The following MAP2K7 variants were observed in gnomAD, a reference collection of about 807,000 sequenced individuals.
The protein encoded by MAP2K7 is dual specificity mitogen-activated protein kinase kinase 7.
MAP2K7 carries 12 observed loss-of-function variants against 47.7 expected under a neutral mutation model. The ratio of observed to expected loss-of-function variants is 0.25; its 90% CI spans 0.16 to 0.41. The LOEUF (loss-of-function observed/expected upper bound fraction) is 0.41, where lower values mean the gene tolerates loss of function less well. Among genes scored for constraint, MAP2K7 ranks in the 10% least tolerant of loss-of-function variants. The pLI is 1.00. For missense variants in MAP2K7, 415 were observed against 600.3 expected (o/e 0.69, Z 3.23); for synonymous variants, 299 against 243.0 (o/e 1.23, Z -2.14).
chr19:7,910,815 G>A lies in MAP2K7; in HGVS notation c.675+12G>A, dbSNP rs1982791113. On this transcript the variant is annotated intron_variant, in intron 6 of 10. Coordinates refer to ENST00000397979, the MANE Select transcript of MAP2K7 (RefSeq NM_145185.4). ...AGATGACAGTGGCGGTGAGTGACCA[G>A]GCGGGGCTTGCACTGGGCAGGATGA... 6.3e-7 allele frequency: 1 copy of A among 1,583,408 alleles called. No homozygotes were observed. The highest frequency in any genetic ancestry group is 8.6e-7 in the Non-Finnish European group (1 of 1,160,032).
At chr19:7,904,285 C>T (rs891010483) in intron 1 of MAP2K7, among the ~76,000 whole-genome samples, 1 of 152,146 alleles carries the variant, frequency 6.6e-6, no homozygotes, top group Non-Finnish European at 1.5e-5. Flanking sequence ...GCTTGGGAGC[C>T]CAGTTCCCGG....
rs377648179 is a variant in MAP2K7, at chr19:7,910,697, C to T, written c.569C>T (p.Thr190Met). Residue 190 changes from threonine (T) to methionine (M), a missense_variant and splice_region_variant, in exon 6 of 11, where the codon ACG (threonine) becomes ATG (methionine). Physicochemically the swap from Thr to Met is moderately conservative, Grantham distance 81. This residue lies in a region of MAP2K7 where 206 missense variants were observed against 368.8 expected (regional missense o/e 0.56). Transcript: ENST00000397979. ...CCCCGGGTGCCCCTCTCCCTGCAGACGGACGTCTTCATCGCCATGGAGCTC... is the reference window on the plus strand; with the variant it reads ...CCCCGGGTGCCCCTCTCCCTGCAGATGGACGTCTTCATCGCCATGGAGCTC... ...VQCFGTFITN[T>M]DVFIAMELMG... is the part of the protein sequence containing the mutation. 3.3e-5 allele frequency: 53 copies of T among 1,608,686 alleles called. No individual in the cohort carries two copies. The highest frequency in any genetic ancestry group is 4.2e-5 in the Non-Finnish European group (50 of 1,177,250).
chr19:7,911,697 C>T (rs1046398824), intron 9 of MAP2K7, 119 bp downstream of exon 9: 8 of 1,107,152 alleles, frequency 7.2e-6, no homozygotes, highest in South Asian at 1.6e-5. Context: ...CGACTGTGGG[C>T]GGGCTCCTGG....
intron 1 of MAP2K7, 36 bp downstream of exon 1, chr19:7,904,104 C>A (rs868842951): frequency 1.4e-4 from 2 of 14,156 alleles, no homozygotes; most frequent in Non-Finnish European, 2.2e-4. Context: ...GGCGGGCGGG[C>A]GGGGCGGGGC....
intron 1 of MAP2K7, chr19:7,905,831 G>T (rs759359679): frequency 1.9e-6 from 3 of 1,612,422 alleles, no homozygotes; most frequent in Non-Finnish European, 2.5e-6. Flanking sequence ...TCTAAGCCCT[G>T]CTCCTGCCCC....
At chr19:7,909,958 C>T (rs1385126921) in intron 2 of MAP2K7, 62 bp downstream of exon 2, 2 of 1,506,118 alleles carry the variant, frequency 1.3e-6, no homozygotes, top group Admixed American at 2.4e-5. Flanking sequence ...CGTGCCAGCC[C>T]TGGGAGGAGG....
rs548806971 is a variant in MAP2K7, at chr19:7,911,236, TCC to T, written c.856-7_856-6del. 19 of 1,577,268 alleles carry T rather than the reference TCC, an allele frequency of 1.2e-5. No individual in the cohort carries two copies. The highest frequency in any genetic ancestry group is 1.4e-5 in the Non-Finnish European group (16 of 1,152,338). On this transcript the variant is annotated splice_polypyrimidine_tract_variant and intron_variant, in intron 7 of 10. Coordinates refer to ENST00000397979, the MANE Select transcript of MAP2K7 (RefSeq NM_145185.4). The stretch of plus-strand genomic sequence containing the variant: ...CCAGCCTTGGAGATACGTCTTCTCC[TCC>T]CCCCCCTGCAGCCCGAGCGCATTGA...
At position 7,912,132 on chromosome 19, in the gene MAP2K7, C is replaced by T. The variant is rs933731103; in HGVS notation, c.1080-17C>T. 2.5e-6 allele frequency: 4 copies of T among 1,613,382 alleles called. No individual in the cohort carries two copies. The Admixed American group carries it at 5.0e-5, about 20-fold the overall frequency. On this transcript the variant is annotated splice_polypyrimidine_tract_variant and intron_variant, in intron 9 of 10. Coordinates refer to ENST00000397979, the MANE Select transcript of MAP2K7 (RefSeq NM_145185.4). Reference sequence around the variant, plus strand: ...CCTCCCTCGTTCTCACATCTGTCTTCCCTTCTCTTGCTCTAGCCTTACTAA... The same window carrying T: ...CCTCCCTCGTTCTCACATCTGTCTTTCCTTCTCTTGCTCTAGCCTTACTAA...
intron 9 of MAP2K7, among the ~76,000 whole-genome samples, 164 bp downstream of exon 9, chr19:7,911,742 A>G (rs480296): frequency 0.92 from 140,582 of 152,264 alleles, 65,578 homozygotes; most frequent in Non-Finnish European, 0.99. Context: ...GCTGGTGCCC[A>G]GGGAGCCATG....
chr19:7,910,093 C>T lies in MAP2K7; in HGVS notation c.297C>T (p.Ile99=). ...AGATTGACCAGAAGCTGCAGGAGAT[C>T]ATGAAGCAGACGGGCTACCTGACCA... is the stretch of plus-strand genomic sequence containing the variant. ...SIEIDQKLQE[I]MKQTGYLTIG... is the part of the protein sequence containing the mutation. Residue 99 remains isoleucine, a synonymous_variant, in exon 3 of 11, where the codon ATC becomes ATT. Transcript: ENST00000397979. 1 of 1,606,420 alleles carries T rather than the reference C, an allele frequency of 6.2e-7. No homozygotes were observed. Among genetic ancestry groups the T allele is most frequent in the Non-Finnish European group, 8.5e-7 (1 of 1,177,398 alleles).
intron 2 of MAP2K7, 29 bp downstream of exon 2, chr19:7,909,925 G>T: frequency 6.7e-7 from 1 of 1,503,344 alleles, no homozygotes. Context: ...AGGGTTGGGT[G>T]GGAAGCAGCA....
At position 7,904,032 on chromosome 19, in the gene MAP2K7, C is replaced by T; in HGVS notation, c.88C>T (p.Leu30Phe). 6.7e-7 allele frequency: 1 copy of T among 1,491,086 alleles called. No homozygotes were observed. The highest frequency in any genetic ancestry group is 9.0e-7 in the Non-Finnish European group (1 of 1,112,254). 92.4% of individuals were successfully genotyped at this position (1,491,086 alleles called of 1,614,324 possible). ...ENREARRRID[L>F]NLDISPQRPR... ...CCGGGAGGCCCGGCGGAGGATCGAC[C>T]TCAACCTGGATATCAGCCCCCAGCG... The change falls in exon 1 of 11, where the codon CTC becomes TTC. Residue 30 changes from leucine to phenylalanine, a missense_variant. Physicochemically the swap from Leu to Phe is conservative, Grantham distance 22. Transcript: ENST00000397979.
chr19:7,905,961 C>A, intron 1 of MAP2K7: 1 of 974,474 alleles, frequency 1.0e-6, no homozygotes. Flanking sequence ...GTGTGTGTCC[C>A]CATGTCCCTT....
At chr19:7,910,919 C>T (rs41285784) in intron 6 of MAP2K7, 61 bp from the exon 7 acceptor site, 104 of 1,588,034 alleles carry the variant, frequency 6.5e-5, no homozygotes, top group South Asian at 1.7e-4. Context: ...GGGCGTGCAC[C>T]GGGCAGGTGG....
In MAP2K7 at chr19:7,911,345, T is replaced by TC; in HGVS notation, c.936+19dup. 6.2e-7 allele frequency: 1 copy of TC among 1,613,046 alleles called. No individual in the cohort carries two copies. The highest frequency in any genetic ancestry group is 8.5e-7 in the Non-Finnish European group (1 of 1,179,926). On this transcript the variant is annotated intron_variant, in intron 8 of 10. Coordinates refer to ENST00000397979, the MANE Select transcript of MAP2K7 (RefSeq NM_145185.4). ...GCATCTCGTTGGTGAGTTGGGGCCC[T>TC]CCCCTGTTCTCCAGCCAGGAGTGAG...
In MAP2K7 at chr19:7,910,116, C is replaced by G. The variant is rs1256880340; in HGVS notation, c.320C>G (p.Thr107Ser). The change falls in exon 3 of 11, where the codon ACC (threonine) becomes AGC (serine). Residue 107 changes from threonine (T) to serine (S), a missense_variant. Coordinates refer to ENST00000397979, the MANE Select transcript of MAP2K7 (RefSeq NM_145185.4). ...QEIMKQTGYL[T>S]IGGQRYQAEI... is the part of the protein sequence containing the mutation. ...ATCATGAAGCAGACGGGCTACCTGA[C>G]CATCGGGGGCCAGGTACCACCTTCA... 3 of 1,606,376 alleles carry G rather than the reference C, an allele frequency of 1.9e-6. No homozygotes were observed. The highest frequency in any genetic ancestry group is 2.5e-6 in the Non-Finnish European group (3 of 1,177,214).
chr19:7,910,004 T>C, intron 2 of MAP2K7, 59 bp from the exon 3 acceptor site: 1 of 1,532,278 alleles, frequency 6.5e-7, no homozygotes, highest in South Asian at 1.2e-5. Flanking sequence ...TATGGGGGAC[T>C]GGGGTGGCCA....
intron 1 of MAP2K7, among the ~76,000 whole-genome samples, chr19:7,909,527 C>T (rs1225947496): frequency 1.3e-5 from 2 of 152,206 alleles, no homozygotes; most frequent in African/African-American, 4.8e-5. Context: ...TAGCCTCCTC[C>T]ATCTCTTTCC....
chr19:7,913,015 C>T lies in MAP2K7; in HGVS notation c.*584C>T, dbSNP rs1260655029. ...CAGCCAGGCAGTGTGGGCATTGCCA[C>T]TGCGGCTGGACGGGGCTGCGCGCTC... On this transcript the variant is annotated 3_prime_UTR_variant, in exon 11 of 11. Coordinates refer to ENST00000397979, the MANE Select transcript of MAP2K7 (RefSeq NM_145185.4). 2 of 155,196 alleles carry T rather than the reference C, an allele frequency of 1.3e-5. No homozygotes were observed. The highest frequency in any genetic ancestry group is 4.8e-5 in the African/African-American group (2 of 41,382). The allele number at this position is 155,196 out of a possible 1,614,324, so 9.6% of individuals were successfully genotyped here.
Sources: gnomAD v4.1 joint callset for allele counts (sites outside exome capture counted in the v4.1 genomes callset) on GRCh38, gnomAD v4.1.1 for gene constraint, gnomAD v4.1.1 regional missense constraint, MANE v1.5 for transcripts, NCBI Gene and HGNC (gene_info 2026-07-23, HGNC 2026-07-21) for gene names.